The following CYFIP1 variants were observed in gnomAD, a reference collection of about 807,000 sequenced individuals.
The protein encoded by CYFIP1 is cytoplasmic FMR1-interacting protein 1.
In CYFIP1, 58 loss-of-function variants were observed where a neutral mutation model predicts 163.5. The ratio of observed to expected loss-of-function variants is 0.35; its 90% confidence interval spans 0.29 to 0.44. The LOEUF (loss-of-function observed/expected upper bound fraction) is 0.44. Among genes scored for constraint, CYFIP1 ranks in the 20% least tolerant of loss-of-function variants. The pLI is 1.00. For missense variants in CYFIP1, 1,338 were observed against 1,653.8 expected, an observed-to-expected ratio of 0.81 and a Z score of 3.31; for synonymous variants, 663 against 660.7, an observed-to-expected ratio of 1.00 and a Z score of -0.05.
At chr15:22,970,721 G>C (rs561459334) in intron 1 of CYFIP1, among the ~76,000 whole-genome samples, 1 of 152,302 alleles carries the variant, frequency 6.6e-6, no homozygotes, top group East Asian at 1.9e-4. Flanking sequence ...AATTGTGTTA[G>C]GAAAACTGAA....
Position 22,873,660 on chromosome 15 carries a change from C to G in CYFIP1, c.3280G>C (p.Glu1094Gln), listed in dbSNP as rs766879178. The G allele has an allele frequency of 3.2e-5, 52 of 1,614,130 alleles. No individual in the cohort carries two copies. The highest frequency in any genetic ancestry group is 4.3e-5 in the Non-Finnish European group (51 of 1,180,048). ...CTCCGGATCCGTGTCAGGATGACCT[C>G]AAACATGGACAGGCCGCAGCAGAGG... is the stretch of plus-strand genomic sequence containing the variant. Reference protein sequence around the residue: ...ERLCCGLSMFEVILTRIRSFL... With the variant: ...ERLCCGLSMFQVILTRIRSFL... Residue 1094 changes from glutamate to glutamine, a missense_variant, in exon 29 of 31, where the codon GAG becomes CAG. Around this residue, in one of 4 missense-constraint regions of CYFIP1, gnomAD observed 306 missense variants for 322.1 expected, o/e 0.95. Transcript: ENST00000617928.
chr15:22,925,836 C>T, intron 13 of CYFIP1, 146 bp downstream of exon 13: 1 of 1,230,516 alleles, frequency 8.1e-7, no homozygotes, highest in South Asian at 1.5e-5. Flanking sequence ...ATGCGTTCTA[C>T]TCTGACTACT....
chr15:22,894,452 G>A (rs1271139970), intron 22 of CYFIP1, among the ~76,000 whole-genome samples: 1 of 151,532 alleles, frequency 6.6e-6, no homozygotes, highest in Non-Finnish European at 1.5e-5. Flanking sequence ...ACCAACGCTT[G>A]GCTAATTTTG....
intron 22 of CYFIP1, among the ~76,000 whole-genome samples, chr15:22,895,159 C>A (rs560540595): frequency 2.0e-5 from 3 of 152,132 alleles, no homozygotes; most frequent in Admixed American, 2.0e-4. Flanking sequence ...GGACTACAGG[C>A]GCCCGCCACC....
chr15:22,875,960 A>C (rs1223700731), intron 26 of CYFIP1, among the ~76,000 whole-genome samples: 1 of 148,908 alleles, frequency 6.7e-6, no homozygotes, highest in South Asian at 2.2e-4. Context: ...CAAGAACCCA[A>C]AGATGGTCAA....
chr15:22,979,940 G>C (rs2063416244), intron 1 of CYFIP1, among the ~76,000 whole-genome samples: 1 of 152,212 alleles, frequency 6.6e-6, no homozygotes, highest in Non-Finnish European at 1.5e-5. Context: ...GCTGTGCCAT[G>C]TGCCGGGGCG....
intron 22 of CYFIP1, among the ~76,000 whole-genome samples, chr15:22,895,787 A>C (rs2060218992): frequency 1.3e-5 from 2 of 152,194 alleles, no homozygotes; most frequent in Non-Finnish European, 2.9e-5. Context: ...AACTGTGCCC[A>C]TGCAACGAAG....
At chr15:22,950,916 G>A (rs12050863) in intron 1 of CYFIP1, among the ~76,000 whole-genome samples, 36,005 of 152,190 alleles carry the variant, frequency 0.24, 4,774 homozygotes, top group East Asian at 0.48. Context: ...GAGAGACCAC[G>A]TTCACATAAC....
Position 22,875,885 on chromosome 15 carries a change from C to CATACATACATATATATATATAT in CYFIP1, c.3043-615_3043-614insATATATATATATATGTATGTAT, listed in dbSNP as rs56999943. Among the ~76,000 whole-genome samples the CATACATACATATATATATATAT allele has an allele frequency of 2.2e-4, 29 of 130,776 alleles. 4 individuals carry two copies. Among genetic ancestry groups the CATACATACATATATATATATAT allele is most frequent in the Admixed American group, 1.6e-4 (2 of 12,304 alleles). 85.8% of individuals were successfully genotyped at this position (130,776 alleles called of 152,430 possible). The stretch of plus-strand genomic sequence containing the variant: ...ACACAAGGTCCGTTCTCCAGAATAA[C>CATACATACATATATATATATAT]ATATATATATATAAAGAAAATGTAC... On this transcript the variant is annotated intron_variant, in intron 26 of 30. Transcript: ENST00000617928.
chr15:22,959,906 G>A (rs2062617496), intron 1 of CYFIP1, among the ~76,000 whole-genome samples: 1 of 152,206 alleles, frequency 6.6e-6, no homozygotes, highest in South Asian at 2.1e-4. Context: ...CTCCTGATGT[G>A]CCTGTTCTTT....
At chr15:22,936,970 AACGTGCATG>A in intron 9 of CYFIP1, 125 bp downstream of exon 9, 1 of 652,744 alleles carries the variant, frequency 1.5e-6, no homozygotes, top group African/African-American at 1.8e-5. Flanking sequence ...CAGACGGGAG[AACGTGCATG>A]CCCCAGACTC....
chr15:22,875,406 T>A, intron 26 of CYFIP1, 135 bp from the exon 27 acceptor site: 1 of 791,138 alleles, frequency 1.3e-6, no homozygotes, highest in Non-Finnish European at 2.2e-6. Context: ...TGTCAAGAGA[T>A]TTCTGGGATG....
intron 23 of CYFIP1, among the ~76,000 whole-genome samples, chr15:22,891,407 A>G (rs2060078403): frequency 6.6e-6 from 1 of 152,228 alleles, no homozygotes; most frequent in African/African-American, 2.4e-5. Context: ...CCTGGGCGAC[A>G]AAGTGAGACT....
intron 11 of CYFIP1, 147 bp downstream of exon 11, chr15:22,932,076 T>G: frequency 1.6e-6 from 1 of 606,482 alleles, no homozygotes; most frequent in Non-Finnish European, 2.9e-6. Context: ...TAATGACACA[T>G]TTGTCAGAAC....
At chr15:22,874,684 G>T (rs977173903) in intron 27 of CYFIP1, 40 bp from the exon 28 acceptor site, 2 of 1,370,086 alleles carry the variant, frequency 1.5e-6, no homozygotes, top group Non-Finnish European at 2.0e-6. Context: ...CTGCTCCTTT[G>T]TATGAAACGG....
At chr15:22,916,781 T>C in intron 15 of CYFIP1, 151 bp from the exon 16 acceptor site, 1 of 1,594,016 alleles carries the variant, frequency 6.3e-7, no homozygotes, top group East Asian at 2.3e-5. Flanking sequence ...CGGGTGCCTG[T>C]CTACGCGGCC....
At chr15:22,939,630 T>C in intron 6 of CYFIP1, 123 bp from the exon 7 acceptor site, 1 of 805,844 alleles carries the variant, frequency 1.2e-6, no homozygotes, top group Non-Finnish European at 1.9e-6. Context: ...TGCAGAAATG[T>C]GGGTCAATCT....
At chr15:22,929,965 G>A (rs554995790) in intron 11 of CYFIP1, among the ~76,000 whole-genome samples, 114 of 151,504 alleles carry the variant, frequency 7.5e-4, no homozygotes, top group Non-Finnish European at 1.3e-3. Context: ...ACTAGATTAT[G>A]ACATAATGAC....
At chr15:22,885,827 T>C (rs1463559344) in intron 23 of CYFIP1, among the ~76,000 whole-genome samples, 1 of 152,318 alleles carries the variant, frequency 6.6e-6, no homozygotes, top group East Asian at 1.9e-4. Context: ...CCCTCCGAAC[T>C]GTTCCAACCT....
Sources: gnomAD v4.1 joint callset for allele counts (sites outside exome capture counted in the v4.1 genomes callset) on GRCh38, gnomAD v4.1.1 for gene constraint, gnomAD v4.1.1 regional missense constraint, MANE v1.5 for transcripts, NCBI Gene and HGNC (gene_info 2026-07-23, HGNC 2026-07-21) for gene names.